Variants in SLIT2 observed in about 807,000 individuals in gnomAD.
SLIT2 encodes the protein slit homolog 2 protein.
A neutral mutation model predicts 185.7 loss-of-function variants in SLIT2; 41 were observed. The ratio of observed to expected loss-of-function variants is 0.22; its 90% confidence interval spans 0.17 to 0.29. The LOEUF is 0.29. Among genes scored for constraint, SLIT2 ranks in the 10% least tolerant of loss-of-function variants. The probability of loss-of-function intolerance (pLI) is 1.00; values close to 1 mark genes in which losing one functional copy is unlikely to be tolerated. For missense variants in SLIT2, 1,571 were observed against 1,909.0 expected (o/e 0.82, Z 3.30); for synonymous variants, 693 against 680.2 (o/e 1.02, Z -0.29).
At chr4:20,569,789 A>G (rs34337410) in intron 29 of SLIT2, among the ~76,000 whole-genome samples, 51,695 of 151,886 alleles carry the variant, frequency 0.34, 9,066 homozygotes, top group African/African-American at 0.39. Context: ...AGTAATTTTG[A>G]TCACTCTACT....
At chr4:20,392,180 A>C (rs1725477278) in intron 4 of SLIT2, 1 of 152,086 alleles carries the variant, frequency 6.6e-6, no homozygotes, top group Non-Finnish European at 1.5e-5. Flanking sequence ...CACCTAGGCT[A>C]TATGGAATAG....
At chr4:20,445,044 G>C (rs1711609103) in intron 4 of SLIT2, among the ~76,000 whole-genome samples, 1 of 152,116 alleles carries the variant, frequency 6.6e-6, no homozygotes, top group Non-Finnish European at 1.5e-5. Flanking sequence ...GAGCCGCAAT[G>C]GGGTGATTCA....
At chr4:20,426,146 T>C (rs1728541058) in intron 4 of SLIT2, among the ~76,000 whole-genome samples, 1 of 152,186 alleles carries the variant, frequency 6.6e-6, no homozygotes, top group Admixed American at 6.5e-5. Flanking sequence ...ACCTAACACA[T>C]GGCAGCTGAC....
chr4:20,472,365 GAT>G (rs1715315165), intron 5 of SLIT2, among the ~76,000 whole-genome samples: 1 of 27,718 alleles, frequency 3.6e-5, no homozygotes, highest in Non-Finnish European at 6.0e-5. Context: ...TATCTATATA[GAT>G]ATCTATATCT....
intron 4 of SLIT2, among the ~76,000 whole-genome samples, chr4:20,350,575 CA>C (rs1248745224): frequency 2.0e-5 from 3 of 151,966 alleles, no homozygotes; most frequent in African/African-American, 7.3e-5. Context: ...ATCCAGAAAA[CA>C]AATGGATTGA....
Position 20,300,911 on chromosome 4 carries a change from G to GA in SLIT2, c.395+32039dup, listed in dbSNP as rs959313467. 1.3e-3 allele frequency among the ~76,000 whole-genome samples: 193 copies of GA among 147,946 alleles called. 1 individual carries two copies. The highest frequency in any genetic ancestry group is 7.2e-3 in the Middle Eastern group (2 of 278). ...TTTAATGAATTTTTGGTTTGATTTTGAAAAAAAAATGGATATGGTATACAT... is the reference window on the plus strand; with the variant it reads ...TTTAATGAATTTTTGGTTTGATTTTGAAAAAAAAAATGGATATGGTATACAT... On this transcript the variant is annotated intron_variant, in intron 4 of 36. Transcript: ENST00000504154.
chr4:20,550,422 T>C (rs1723636589), intron 24 of SLIT2, among the ~76,000 whole-genome samples: 1 of 151,946 alleles, frequency 6.6e-6, no homozygotes, highest in African/African-American at 2.4e-5. Context: ...AAGTTGCAAA[T>C]ATATATTATT....
chr4:20,570,260 G>C (rs1179641264), intron 29 of SLIT2, among the ~76,000 whole-genome samples: 1 of 151,926 alleles, frequency 6.6e-6, no homozygotes, highest in Non-Finnish European at 1.5e-5. Flanking sequence ...AGTTGTCTAT[G>C]GCCCTTCGAC....
At chr4:20,391,162 T>A (rs1208044393) in intron 4 of SLIT2, among the ~76,000 whole-genome samples, 6 of 152,092 alleles carry the variant, frequency 3.9e-5, no homozygotes, top group Non-Finnish European at 8.8e-5. Context: ...CTTTTACCTA[T>A]GTAAATTACA....
chr4:20,464,960 A>G (rs923868277), intron 4 of SLIT2, among the ~76,000 whole-genome samples: 1 of 152,194 alleles, frequency 6.6e-6, no homozygotes, highest in Non-Finnish European at 1.5e-5. Context: ...CTTGCAACAT[A>G]GAGTAGATAT....
intron 34 of SLIT2, chr4:20,615,928 C>T (rs73101414): frequency 3.9e-5 from 6 of 152,288 alleles, no homozygotes; most frequent in African/African-American, 1.4e-4. Flanking sequence ...CACCCTCCCC[C>T]CTTCCCTGGA....
intron 11 of SLIT2, among the ~76,000 whole-genome samples, chr4:20,514,381 C>T (rs1230450802): frequency 6.6e-6 from 1 of 152,156 alleles, no homozygotes; most frequent in African/African-American, 2.4e-5. Flanking sequence ...TGGCTCATGC[C>T]TGTAATTCCA....
chr4:20,272,455 G>A (rs1470489714), intron 4 of SLIT2, among the ~76,000 whole-genome samples: 3 of 152,130 alleles, frequency 2.0e-5, no homozygotes, highest in Non-Finnish European at 2.9e-5. Context: ...TGAAACAGTT[G>A]ATTATGATTG....
intron 4 of SLIT2, among the ~76,000 whole-genome samples, chr4:20,423,549 A>G (rs1394371576): frequency 6.6e-6 from 1 of 151,668 alleles, no homozygotes; most frequent in East Asian, 1.9e-4. Context: ...GGAAGAAGAG[A>G]GTGCTCCTGA....
intron 29 of SLIT2, among the ~76,000 whole-genome samples, chr4:20,575,484 A>G (rs10516358): frequency 6.6e-6 from 1 of 152,144 alleles, no homozygotes; most frequent in African/African-American, 2.4e-5. Context: ...TGAAACAACG[A>G]TAAACCACTT....
At chr4:20,400,205 G>A (rs1057049249) in intron 4 of SLIT2, among the ~76,000 whole-genome samples, 53 of 151,856 alleles carry the variant, frequency 3.5e-4, no homozygotes, top group Non-Finnish European at 5.2e-4. Context: ...GTCTTATTAT[G>A]ATGGTTATTC....
chr4:20,616,922 A>G lies in SLIT2; in HGVS notation c.3860A>G (p.Lys1287Arg), dbSNP rs867408869. The change falls in exon 35 of 37, where the codon AAG becomes AGG. Residue 1287 changes from lysine to arginine, a missense_variant. Around this residue, in one of 3 missense-constraint regions of SLIT2, gnomAD observed 146 missense variants for 247.4 expected, o/e 0.59. Coordinates refer to ENST00000504154, the MANE Select transcript of SLIT2 (RefSeq NM_004787.4). ...TGTTCCTCCCCAGGCATGCCAGGGA[A>G]GAGTAACGTGGCATCTCTGCGCCAG... ...SPLYVGGMPG[K>R]SNVASLRQAP... 6.3e-7 allele frequency: 1 copy of G among 1,597,058 alleles called. No homozygotes were observed. The highest frequency in any genetic ancestry group is 1.7e-5 in the Admixed American group (1 of 59,644).
At chr4:20,571,153 T>C (rs943687112) in intron 29 of SLIT2, among the ~76,000 whole-genome samples, 2 of 152,176 alleles carry the variant, frequency 1.3e-5, no homozygotes, top group Non-Finnish European at 2.9e-5. Context: ...ATGTGACATC[T>C]ATAAAAGCTG....
At chr4:20,379,739 A>G (rs1724338344) in intron 4 of SLIT2, among the ~76,000 whole-genome samples, 1 of 152,208 alleles carries the variant, frequency 6.6e-6, no homozygotes, top group African/African-American at 2.4e-5. Flanking sequence ...AGATTGAACA[A>G]TAATAAGCAG....
Sources: gnomAD v4.1 joint callset for allele counts (sites outside exome capture counted in the v4.1 genomes callset) on GRCh38, gnomAD v4.1.1 for gene constraint, gnomAD v4.1.1 regional missense constraint, MANE v1.5 for transcripts, NCBI Gene and HGNC (gene_info 2026-07-23, HGNC 2026-07-21) for gene names.